Variants in SMYD5 observed in about 807,000 individuals in gnomAD.
SMYD5 encodes the protein SMYD family member 5.
In SMYD5, 35 loss-of-function variants were observed where a neutral mutation model predicts 57.4. That is an observed-to-expected ratio of 0.61 (90% CI 0.47 to 0.81). The LOEUF is 0.81. Among genes scored for constraint, SMYD5 ranks in the 30% least tolerant of loss-of-function variants. The pLI is 0.00. For synonymous variants in SMYD5, 198 were observed against 189.7 expected (o/e 1.04, Z -0.36); for missense variants, 471 against 527.9 (o/e 0.89, Z 1.06).
At chr2:73,214,981 G>T (rs531648823) in intron 1 of SMYD5, 14 of 282,706 alleles carry the variant, frequency 5.0e-5, no homozygotes, top group African/African-American at 3.2e-4. Context: ...GTGCAAAGAT[G>T]AGTACGTTAA....
At chr2:73,225,117 G>C (rs1195791719) in intron 11 of SMYD5, 157 bp downstream of exon 11, 4 of 598,434 alleles carry the variant, frequency 6.7e-6, no homozygotes, top group African/African-American at 5.6e-5. Flanking sequence ...CTCATGGTTA[G>C]GTTCTAACCC....
intron 1 of SMYD5, chr2:73,214,679 G>A: frequency 7.0e-7 from 1 of 1,426,340 alleles, no homozygotes; most frequent in Non-Finnish European, 9.4e-7. Flanking sequence ...ACGGTGGGCG[G>A]GGATGTGCCG....
chr2:73,219,869 C>T, intron 2 of SMYD5, 182 bp from the exon 3 acceptor site: 1 of 769,314 alleles, frequency 1.3e-6, no homozygotes, highest in Non-Finnish European at 2.3e-6. Context: ...CCTTGGGATG[C>T]ACATGAAATA....
chr2:73,221,392 C>T (rs191675771), intron 5 of SMYD5, among the ~76,000 whole-genome samples, 158 bp downstream of exon 5: 93 of 150,678 alleles, frequency 6.2e-4, no homozygotes, highest in Middle Eastern at 3.5e-3. Context: ...AGAATGCACT[C>T]TGAAGGCATA....
Position 73,221,208 on chromosome 2 carries a change from G to T in SMYD5, c.511G>T (p.Ala171Ser), listed in dbSNP as rs771187729. The change falls in exon 5 of 13, where the codon GCT (alanine) becomes TCT (serine). Residue 171 changes from alanine (A) to serine (S), a missense_variant. Ala to Ser is a moderately conservative substitution (Grantham distance 99). Coordinates refer to ENST00000389501, the MANE Select transcript of SMYD5 (RefSeq NM_006062.3). ...PPETASIMLM[A>S]RMVATVKQAK... is the part of the protein sequence containing the mutation. ...TGAGACTGCAAGCATCATGTTGATG[G>T]CTAGGATGGTGGCCACAGTGAAGCA... The T allele has an allele frequency of 1.9e-6, 3 of 1,613,932 alleles. No individual in the cohort carries two copies.
intron 3 of SMYD5, 53 bp downstream of exon 3, chr2:73,220,243 G>A: frequency 6.3e-7 from 1 of 1,599,194 alleles, no homozygotes. Context: ...GGAGGCCTTA[G>A]CTGGAGTCCT....
At chr2:73,220,978 C>T (rs545340866) in intron 4 of SMYD5, among the ~76,000 whole-genome samples, 187 bp from the exon 5 acceptor site, 9 of 152,274 alleles carry the variant, frequency 5.9e-5, no homozygotes, top group South Asian at 2.1e-4. Flanking sequence ...TAGCATTTAA[C>T]GCTCTCCCAG....
chr2:73,214,597 G>T, intron 1 of SMYD5: 1 of 1,506,598 alleles, frequency 6.6e-7, no homozygotes. Context: ...AGCGGAATTC[G>T]GCCAGCCCGC....
intron 1 of SMYD5, 184 bp downstream of exon 1, chr2:73,214,546 A>G: frequency 6.7e-7 from 1 of 1,482,552 alleles, no homozygotes; most frequent in Non-Finnish European, 9.0e-7. Context: ...CGGTCACGCG[A>G]TAGACCCGGG....
At chr2:73,219,996 G>C in intron 2 of SMYD5, 55 bp from the exon 3 acceptor site, 1 of 1,612,162 alleles carries the variant, frequency 6.2e-7, no homozygotes, top group Non-Finnish European at 8.5e-7. Flanking sequence ...GCTGTGAAAG[G>C]GATAGATGTG....
Position 73,221,222 on chromosome 2 carries a change from C to T in SMYD5, c.525C>T (p.Ala175=), listed in dbSNP as rs1428763890. Residue 175 remains alanine, a synonymous_variant, in exon 5 of 13, where the codon GCC becomes GCT. Transcript: ENST00000389501. ...ASIMLMARMV[A]TVKQAKDKDR... Reference sequence around the variant, plus strand: ...TCATGTTGATGGCTAGGATGGTGGCCACAGTGAAGCAGGTGAGCCCACCCA... The same window carrying T: ...TCATGTTGATGGCTAGGATGGTGGCTACAGTGAAGCAGGTGAGCCCACCCA... 2 of 1,613,814 alleles carry T rather than the reference C, an allele frequency of 1.2e-6. No individual in the cohort carries two copies. Among genetic ancestry groups the T allele is most frequent in the Middle Eastern group, 1.6e-4 (1 of 6,062 alleles).
In SMYD5 at chr2:73,214,335, G is replaced by C; in HGVS notation, c.69G>C (p.Val23=). 1.2e-6 allele frequency: 2 copies of C among 1,613,560 alleles called. No homozygotes were observed. The highest frequency in any genetic ancestry group is 1.7e-6 in the Non-Finnish European group (2 of 1,179,824). ...VGVAGRARVS[V]EVRFVSSAKG... is the part of the protein sequence containing the mutation. Reference sequence around the variant, plus strand: ...TGGCGGGCCGCGCGCGGGTCTCCGTGGAAGTCCGTTTCGTGAGCAGCGCCA... The same window carrying C: ...TGGCGGGCCGCGCGCGGGTCTCCGTCGAAGTCCGTTTCGTGAGCAGCGCCA... Residue 23 remains valine (V), a synonymous_variant, in exon 1 of 13, where the codon GTG becomes GTC. Transcript: ENST00000389501.
chr2:73,221,343 G>A lies in SMYD5; in HGVS notation c.537+109G>A, dbSNP rs2103716121. The A allele has an allele frequency of 5.6e-6, 5 of 893,714 alleles. No individual in the cohort carries two copies. In the South Asian group the frequency reaches 7.0e-5, roughly 12 times the overall value. The allele number at this position is 893,714 out of a possible 1,614,324, so 55.4% of individuals were successfully genotyped here. A position where few individuals can be genotyped will look rare whatever the true frequency, so the allele number is the denominator to read the frequency against. ...TAGCTTGGATGCAGAGTTCTTCCTGGCCTTCCCAAAGGAGAGCTCCTTGCT... is the reference window on the plus strand; with the variant it reads ...TAGCTTGGATGCAGAGTTCTTCCTGACCTTCCCAAAGGAGAGCTCCTTGCT... On this transcript the variant is annotated intron_variant, in intron 5 of 12. Coordinates refer to ENST00000389501, the MANE Select transcript of SMYD5 (RefSeq NM_006062.3).
At chr2:73,215,481 C>T (rs1686278792) in intron 1 of SMYD5, among the ~76,000 whole-genome samples, 1 of 152,142 alleles carries the variant, frequency 6.6e-6, no homozygotes, top group South Asian at 2.1e-4. Flanking sequence ...CAGTTTGCTC[C>T]TTCCCTGGTA....
Position 73,221,059 on chromosome 2 carries a change from T to G in SMYD5, c.468-106T>G, listed in dbSNP as rs376245554. The stretch of plus-strand genomic sequence containing the variant: ...CCTTGTCTATGACTTTCCTGGTAAT[T>G]GATGGAATTGGTAGGAAGTTTTCTC... On this transcript the variant is annotated intron_variant, in intron 4 of 12. Transcript: ENST00000389501. 5.7e-6 allele frequency: 6 copies of G among 1,056,494 alleles called. No homozygotes were observed. In the African/African-American group the frequency reaches 9.5e-5, roughly 17 times the overall value. The allele number at this position is 1,056,494 out of a possible 1,614,324, so 65.4% of individuals were successfully genotyped here.
intron 11 of SMYD5, chr2:73,225,384 G>A (rs1414758721): frequency 1.7e-6 from 1 of 580,522 alleles, no homozygotes. Context: ...GCCATTGACT[G>A]GCTTTCACCA....
intron 5 of SMYD5, among the ~76,000 whole-genome samples, chr2:73,221,521 TCATG>T (rs1224802372): frequency 1.3e-5 from 2 of 151,890 alleles, no homozygotes; most frequent in Admixed American, 6.6e-5. Context: ...CAGTAGCAAT[TCATG>T]CATTTGATTT....
intron 9 of SMYD5, 124 bp downstream of exon 9, chr2:73,223,656 G>T: frequency 1.3e-6 from 1 of 741,368 alleles, no homozygotes; most frequent in Non-Finnish European, 2.4e-6. Flanking sequence ...CTTTGTGCCT[G>T]TGGGGAGCTT....
chr2:73,216,359 A>G (rs1686292962), intron 1 of SMYD5, among the ~76,000 whole-genome samples: 1 of 152,200 alleles, frequency 6.6e-6, no homozygotes, highest in African/African-American at 2.4e-5. Context: ...GTTCAAGACC[A>G]GTCTGGCCAA....
Sources: allele counts gnomAD v4.1 joint callset (sites outside exome capture counted in the v4.1 genomes callset), GRCh38; gene constraint gnomAD v4.1.1; transcripts MANE v1.5; gene names NCBI Gene and HGNC (gene_info 2026-07-23, HGNC 2026-07-21).